Variants in PHACTR4 observed in about 807,000 individuals in gnomAD.
PHACTR4 encodes phosphatase and actin regulator 4.
PHACTR4 carries 51 observed loss-of-function variants against 72.7 expected under a neutral mutation model. The ratio of observed to expected loss-of-function variants is 0.70; its 90% confidence interval spans 0.56 to 0.89. The LOEUF is 0.89. PHACTR4 is among the 40% of genes least tolerant of loss of function. The probability of loss-of-function intolerance (pLI) is 0.00; values close to 1 mark genes in which losing one functional copy is unlikely to be tolerated. For synonymous variants in PHACTR4, 255 were observed against 302.5 expected (o/e 0.84, Z 1.63); for missense variants, 731 against 861.8 (o/e 0.85, Z 1.90).
intron 2 of PHACTR4, among the ~76,000 whole-genome samples, chr1:28,432,274 T>C (rs1018636666): frequency 6.6e-6 from 1 of 151,424 alleles, no homozygotes; most frequent in Non-Finnish European, 1.5e-5. Flanking sequence ...TTAGAAACAG[T>C]TCTTTAATAA....
chr1:28,453,560 T>G, intron 2 of PHACTR4: 9 of 703,542 alleles, frequency 1.3e-5, no homozygotes, highest in Admixed American at 2.5e-5. Context: ...CACGAGAGAG[T>G]GGGACTTGGG....
At chr1:28,399,831 A>T (rs1479923894) in intron 1 of PHACTR4, among the ~76,000 whole-genome samples, 1 of 152,214 alleles carries the variant, frequency 6.6e-6, no homozygotes, top group Non-Finnish European at 1.5e-5. Context: ...TGCCAAGGAA[A>T]GGCCTCTCTG....
chr1:28,426,280 T>G (rs1249465140), intron 2 of PHACTR4, among the ~76,000 whole-genome samples: 1 of 152,074 alleles, frequency 6.6e-6, no homozygotes, highest in Non-Finnish European at 1.5e-5. Flanking sequence ...AAATGAAACT[T>G]TTATTTAGCT....
At chr1:28,380,690 T>C (rs1652098921) in intron 1 of PHACTR4, among the ~76,000 whole-genome samples, 8 of 152,214 alleles carry the variant, frequency 5.3e-5, no homozygotes, top group Admixed American at 5.2e-4. Context: ...TTTTTTATGG[T>C]GGCATAGTAT....
At chr1:28,398,620 A>G (rs1046970285) in intron 1 of PHACTR4, among the ~76,000 whole-genome samples, 10 of 152,072 alleles carry the variant, frequency 6.6e-5, no homozygotes, top group African/African-American at 2.2e-4. Context: ...AGAGTTCGAG[A>G]CCAGCCTGGT....
intron 2 of PHACTR4, among the ~76,000 whole-genome samples, chr1:28,446,636 G>A (rs139463912): frequency 0.1 from 15,796 of 151,974 alleles, 1,894 homozygotes; most frequent in African/African-American, 0.3. Flanking sequence ...AAAATTAGCC[G>A]GGCATGGTGG....
At position 28,460,239 on chromosome 1, in the gene PHACTR4, A is replaced by G. The variant is rs1658699718; in HGVS notation, c.218A>G (p.Lys73Arg). ...TTAGAACGGAAAATATCTATGCGAA[A>G]GCCAAGAGAAGAGCTGGTTAAAAGA... ...EVLERKISMR[K>R]PREELVKRGV... The change falls in exon 4 of 14, where the codon AAG becomes AGG. Residue 73 changes from lysine to arginine, a missense_variant. By Grantham distance (26) the Lys-to-Arg change is conservative. Coordinates refer to ENST00000373839, the MANE Select transcript of PHACTR4 (RefSeq NM_001048183.3). The G allele has an allele frequency of 2.5e-6, 4 of 1,613,624 alleles. No individual in the cohort carries two copies. The highest frequency in any genetic ancestry group is 1.3e-5 in the African/African-American group (1 of 74,922).
chr1:28,408,685 AT>A (rs936431884), intron 2 of PHACTR4, among the ~76,000 whole-genome samples: 1 of 148,896 alleles, frequency 6.7e-6, no homozygotes. Flanking sequence ...TTTTTAATTT[AT>A]TTTTTTTGAG....
chr1:28,443,263 G>GTCTTTCTTTCTTTCCTTCTTTCTT (rs1553194108), intron 2 of PHACTR4, among the ~76,000 whole-genome samples: 1 of 150,982 alleles, frequency 6.6e-6, no homozygotes, highest in Non-Finnish European at 1.5e-5. Context: ...GGATTTCATT[G>GTCTTTCTTTCTTTCCTTCTTTCTT]TCTTTCTTTC....
chr1:28,486,498 T>C (rs1356839661), intron 9 of PHACTR4, among the ~76,000 whole-genome samples: 1 of 152,196 alleles, frequency 6.6e-6, no homozygotes, highest in Non-Finnish European at 1.5e-5. Context: ...TACAGTATTA[T>C]TGTGTCAGTT....
intron 4 of PHACTR4, among the ~76,000 whole-genome samples, chr1:28,460,978 C>G (rs1243880145): frequency 1.3e-5 from 2 of 152,100 alleles, no homozygotes; most frequent in Non-Finnish European, 2.9e-5. Context: ...TCCCCATGCC[C>G]ATATCACTGC....
At chr1:28,480,095 C>G (rs1025122555) in intron 8 of PHACTR4, among the ~76,000 whole-genome samples, 10 of 152,162 alleles carry the variant, frequency 6.6e-5, no homozygotes, top group African/African-American at 2.4e-4. Context: ...AGAAAGGCAG[C>G]TTTAAAAACA....
chr1:28,433,927 C>T (rs997356138), intron 2 of PHACTR4, among the ~76,000 whole-genome samples: 2 of 151,996 alleles, frequency 1.3e-5, no homozygotes, highest in Admixed American at 6.6e-5. Context: ...ATTACAGGCT[C>T]CCGCCACCAC....
At chr1:28,439,450 C>T (rs952365951) in intron 2 of PHACTR4, among the ~76,000 whole-genome samples, 5 of 152,058 alleles carry the variant, frequency 3.3e-5, no homozygotes, top group African/African-American at 1.2e-4. Context: ...GAAATATCTT[C>T]AGTATTTTTC....
At chr1:28,423,562 G>A (rs1322529723) in intron 2 of PHACTR4, among the ~76,000 whole-genome samples, 2 of 152,066 alleles carry the variant, frequency 1.3e-5, no homozygotes, top group Non-Finnish European at 2.9e-5. Context: ...GTAATTTTGG[G>A]TTTCTCATGA....
At chr1:28,371,277 TATTTA>T (rs1483324756) in intron 1 of PHACTR4, among the ~76,000 whole-genome samples, 2 of 152,046 alleles carry the variant, frequency 1.3e-5, no homozygotes, top group African/African-American at 2.4e-5. Flanking sequence ...TGTGCCCGAC[TATTTA>T]ATTTAATTTA....
chr1:28,375,443 A>G (rs1255333821), intron 1 of PHACTR4, among the ~76,000 whole-genome samples: 3 of 151,870 alleles, frequency 2.0e-5, no homozygotes, highest in African/African-American at 7.2e-5. Context: ...TCGGGAGGCT[A>G]AGGCAGGAGG....
At chr1:28,385,028 A>G (rs7536735) in intron 1 of PHACTR4, among the ~76,000 whole-genome samples, 1,600 of 152,148 alleles carry the variant, frequency 0.011, 27 homozygotes, top group African/African-American at 0.037. Flanking sequence ...CTCTTTTGCT[A>G]GCTTTGGGAT....
chr1:28,477,880 G>A (rs1047021609), intron 8 of PHACTR4, among the ~76,000 whole-genome samples: 7 of 151,744 alleles, frequency 4.6e-5, no homozygotes, highest in Admixed American at 2.0e-4. Flanking sequence ...TAGAGACAGC[G>A]TTTCACCATG....
Sources: gnomAD v4.1 joint callset for allele counts (sites outside exome capture counted in the v4.1 genomes callset) on GRCh38, gnomAD v4.1.1 for gene constraint, MANE v1.5 for transcripts, NCBI Gene and HGNC (gene_info 2026-07-23, HGNC 2026-07-21) for gene names.